The following CRTC3 variants were observed in gnomAD, a reference collection of about 807,000 sequenced individuals.
The protein encoded by CRTC3 is CREB-regulated transcription coactivator 3.
In CRTC3, 26 loss-of-function variants were observed where a neutral mutation model predicts 74.5. The observed-to-expected ratio is 0.35, with a 90% CI of 0.26 to 0.48. CRTC3 has a LOEUF of 0.48. Ranked by LOEUF, CRTC3 falls within the 20% of genes least tolerant of loss-of-function variation. CRTC3 has a pLI of 0.99. For missense variants in CRTC3, 760 were observed against 787.3 expected (o/e 0.97, Z 0.41); for synonymous variants, 377 against 325.8 (o/e 1.16, Z -1.69).
intron 4 of CRTC3, among the ~76,000 whole-genome samples, chr15:90,603,267 C>A (rs975650198): frequency 6.7e-6 from 1 of 149,004 alleles, no homozygotes. Context: ...CACGGTGAAA[C>A]CCCGTCTCCA....
intron 2 of CRTC3, among the ~76,000 whole-genome samples, chr15:90,545,385 A>G (rs1966842439): frequency 1.4e-5 from 2 of 148,130 alleles, no homozygotes; most frequent in African/African-American, 5.0e-5. Context: ...GAATCATATG[A>G]CAATTGTGGT....
At chr15:90,597,219 G>A (rs1325166181) in intron 3 of CRTC3, among the ~76,000 whole-genome samples, 1 of 152,264 alleles carries the variant, frequency 6.6e-6, no homozygotes, top group Non-Finnish European at 1.5e-5. Flanking sequence ...CTGCAGATGT[G>A]CAGTCTGTAG....
In CRTC3 at chr15:90,530,061, G is replaced by C; in HGVS notation, c.-11G>C. On this transcript the variant is annotated 5_prime_UTR_variant, in exon 1 of 15. Coordinates refer to ENST00000268184, the MANE Select transcript of CRTC3 (RefSeq NM_022769.5). The surrounding 1 kb of genome is among the most constrained non-coding windows in gnomAD (Gnocchi z 6.2). ...GCCGTCTCCCGCTTCTGCCCGCGCA[G>C]AGTCCGCGCCATGGCCGCCTCGCCG... 1 of 1,417,664 alleles carries C rather than the reference G, an allele frequency of 7.1e-7. No homozygotes were observed. The highest frequency in any genetic ancestry group is 9.4e-7 in the Non-Finnish European group (1 of 1,069,488). 87.8% of individuals were successfully genotyped at this position (1,417,664 alleles called of 1,614,324 possible). A position where few individuals can be genotyped will look rare whatever the true frequency, so the allele number is the denominator to read the frequency against.
chr15:90,610,784 C>A (rs992443834), intron 6 of CRTC3, among the ~76,000 whole-genome samples: 2 of 152,134 alleles, frequency 1.3e-5, no homozygotes, highest in African/African-American at 2.4e-5. Context: ...CTCCTAACAC[C>A]CCTCCTGACA....
At chr15:90,569,319 T>G in intron 2 of CRTC3, among the ~76,000 whole-genome samples, 1 of 3,484 alleles carries the variant, frequency 2.9e-4, no homozygotes, top group Admixed American at 1.2e-3. Context: ...ACAAAACCTT[T>G]TTTTTTTTTT....
At chr15:90,546,152 G>A (rs956446958) in intron 2 of CRTC3, among the ~76,000 whole-genome samples, 6 of 151,898 alleles carry the variant, frequency 4.0e-5, no homozygotes, top group Non-Finnish European at 5.9e-5. Context: ...TTTTTTCTAT[G>A]TGTTTCTCTA....
At chr15:90,586,192 G>A (rs1052662752) in intron 2 of CRTC3, among the ~76,000 whole-genome samples, 6 of 152,004 alleles carry the variant, frequency 3.9e-5, no homozygotes, top group African/African-American at 1.5e-4. Flanking sequence ...ACTAAGAGTT[G>A]TCTTATGTAG....
chr15:90,552,248 C>T (rs527984323), intron 2 of CRTC3, among the ~76,000 whole-genome samples: 11 of 152,288 alleles, frequency 7.2e-5, no homozygotes, highest in African/African-American at 2.2e-4. Context: ...TCCAGTACTG[C>T]GGCCCGAGCA....
chr15:90,537,582 C>T (rs1171378843), intron 1 of CRTC3, among the ~76,000 whole-genome samples: 3 of 152,194 alleles, frequency 2.0e-5, no homozygotes, highest in African/African-American at 7.2e-5. Context: ...GACAGGGTTT[C>T]ACCGTCTTAG....
chr15:90,547,013 A>G (rs1372058962), intron 2 of CRTC3, among the ~76,000 whole-genome samples: 1 of 152,254 alleles, frequency 6.6e-6, no homozygotes. Context: ...TCTTCCACGA[A>G]GAAGACTTCC....
intron 7 of CRTC3, among the ~76,000 whole-genome samples, chr15:90,615,086 A>AT (rs1269684015): frequency 2.1e-4 from 31 of 148,410 alleles, no homozygotes; most frequent in African/African-American, 7.6e-4. Flanking sequence ...AAATAAATAA[A>AT]TAAATTAATT....
chr15:90,534,309 C>G (rs768781728), intron 1 of CRTC3, among the ~76,000 whole-genome samples: 1 of 151,980 alleles, frequency 6.6e-6, no homozygotes, highest in Non-Finnish European at 1.5e-5. Flanking sequence ...CAGGTTTGTG[C>G]GGAAATGCTG....
In CRTC3 at chr15:90,644,176, C is replaced by T. The variant is rs1969548128; in HGVS notation, c.*2036C>T. On this transcript the variant is annotated 3_prime_UTR_variant, in exon 15 of 15. Coordinates refer to ENST00000268184, the MANE Select transcript of CRTC3 (RefSeq NM_022769.5). ...AAGGGCCTGCTGGCCTGCCCTGTTC[C>T]CAGTTACACTTTCAGATCCCTTTGT... 1 of 228,002 alleles carries T rather than the reference C, an allele frequency of 4.4e-6. No individual in the cohort carries two copies. Among genetic ancestry groups the T allele is most frequent in the East Asian group, 6.3e-5 (1 of 15,904 alleles). The allele number at this position is 228,002 out of a possible 1,614,324, so 14.1% of individuals were successfully genotyped here.
intron 9 of CRTC3, among the ~76,000 whole-genome samples, chr15:90,624,217 T>C (rs1458273787): frequency 6.6e-6 from 1 of 152,046 alleles, no homozygotes; most frequent in Non-Finnish European, 1.5e-5. Flanking sequence ...TGGTGGCACC[T>C]TCTCCCGCAT....
intron 2 of CRTC3, among the ~76,000 whole-genome samples, chr15:90,553,483 G>A (rs189491551): frequency 3.3e-5 from 5 of 152,134 alleles, no homozygotes; most frequent in Admixed American, 1.3e-4. Context: ...TTATCTAGCC[G>A]TACATGTTGA....
At position 90,641,405 on chromosome 15, in the gene CRTC3, A is replaced by G. The variant is rs1969436305; in HGVS notation, c.1651+206A>G. On this transcript the variant is annotated intron_variant, in intron 14 of 14. Transcript: ENST00000268184. ...CCTGGTAGTCAAAGCCTTTTCTGAAAGATTTCATCTGGCCCAGTGCGGTGG... is the reference window on the plus strand; with the variant it reads ...CCTGGTAGTCAAAGCCTTTTCTGAAGGATTTCATCTGGCCCAGTGCGGTGG... The G allele has an allele frequency of 5.3e-6, 3 of 567,626 alleles. No individual in the cohort carries two copies. The South Asian group carries it at 6.4e-5, about 12-fold the overall frequency. The allele number at this position is 567,626 out of a possible 1,614,324, so 35.2% of individuals were successfully genotyped here. A position where few individuals can be genotyped will look rare whatever the true frequency, so the allele number is the denominator to read the frequency against.
chr15:90,619,619 C>T, intron 8 of CRTC3, 122 bp from the exon 9 acceptor site: 4 of 767,486 alleles, frequency 5.2e-6, no homozygotes, highest in Non-Finnish European at 9.2e-6. Flanking sequence ...TGTGAGGACT[C>T]TGTCGACACG....
intron 2 of CRTC3, among the ~76,000 whole-genome samples, chr15:90,565,937 C>T (rs1967114034): frequency 6.6e-6 from 1 of 152,150 alleles, no homozygotes. Context: ...ATGTCTTTCA[C>T]TTTAAATAAA....
chr15:90,547,479 G>A (rs900428489), intron 2 of CRTC3, among the ~76,000 whole-genome samples: 5 of 152,178 alleles, frequency 3.3e-5, no homozygotes, highest in Admixed American at 1.3e-4. Context: ...CTATCCTAAT[G>A]GAGGATCTCA....
Sources: gnomAD v4.1 joint callset for allele counts (sites outside exome capture counted in the v4.1 genomes callset) on GRCh38, gnomAD v4.1.1 for gene constraint, Gnocchi (gnomAD v3.1) non-coding constraint, MANE v1.5 for transcripts, NCBI Gene and HGNC (gene_info 2026-07-23, HGNC 2026-07-21) for gene names.